The following RIMS1 variants were observed in gnomAD, a reference collection of about 807,000 sequenced individuals.
The protein encoded by RIMS1 is regulating synaptic membrane exocytosis protein 1.
Under a neutral mutation model 214.1 loss-of-function variants are expected in RIMS1, and 83 were observed. The ratio of observed to expected loss-of-function variants is 0.39; its 90% CI spans 0.32 to 0.47. The LOEUF (loss-of-function observed/expected upper bound fraction) is 0.47, where lower values mean the gene tolerates loss of function less well. RIMS1 is among the 20% of genes least tolerant of loss of function. The pLI is 0.99. For missense variants in RIMS1, 2,050 were observed against 2,161.8 expected (o/e 0.95, Z 1.03); for synonymous variants, 793 against 786.8 (o/e 1.01, Z -0.13).
intron 25 of RIMS1, 104 bp from the exon 26 acceptor site, chr6:72,291,830 A>T (rs1477029146): frequency 1.2e-5 from 10 of 812,476 alleles, no homozygotes; most frequent in Non-Finnish European, 1.9e-5. Context: ...TGGCCCAGTG[A>T]GGGGGTTTAT....
chr6:72,137,019 A>AG (rs2041396155), intron 4 of RIMS1, among the ~76,000 whole-genome samples: 1 of 152,020 alleles, frequency 6.6e-6, no homozygotes, highest in Non-Finnish European at 1.5e-5. Flanking sequence ...CAATAAAATA[A>AG]AATAACTAGA....
chr6:71,948,236 C>T (rs969357609), intron 1 of RIMS1, among the ~76,000 whole-genome samples: 7 of 152,134 alleles, frequency 4.6e-5, no homozygotes, highest in Non-Finnish European at 1.0e-4. Flanking sequence ...ATGAGTTGTT[C>T]TGATCATTAG....
At chr6:71,944,426 G>A (rs1343225) in intron 1 of RIMS1, among the ~76,000 whole-genome samples, 150,899 of 152,274 alleles carry the variant, frequency 0.99, 74,774 homozygotes, top group East Asian at 1. Context: ...GGCACTTGTC[G>A]GGGCATAACG....
chr6:72,159,871 G>A (rs2045066463), intron 4 of RIMS1, among the ~76,000 whole-genome samples: 4 of 139,832 alleles, frequency 2.9e-5, no homozygotes, highest in Admixed American at 1.5e-4. Flanking sequence ...TTGGCAATGC[G>A]GGCTCTTTTT....
intron 29 of RIMS1, among the ~76,000 whole-genome samples, chr6:72,377,503 G>A (rs1440650053): frequency 2.0e-5 from 3 of 152,230 alleles, no homozygotes; most frequent in Admixed American, 6.5e-5. Context: ...GGACAGGGAA[G>A]GCTATATGCT....
intron 2 of RIMS1, among the ~76,000 whole-genome samples, chr6:72,006,727 C>T (rs1807807332): frequency 6.6e-6 from 1 of 152,214 alleles, no homozygotes. Flanking sequence ...TTGCTCATTG[C>T]TAGCACAGCA....
intron 29 of RIMS1, among the ~76,000 whole-genome samples, chr6:72,390,175 C>T (rs1458051167): frequency 6.6e-6 from 1 of 152,162 alleles, no homozygotes; most frequent in East Asian, 1.9e-4. Context: ...GTTCCAAATG[C>T]ACCTTCTCCT....
At chr6:72,206,181 G>A (rs986478898) in intron 6 of RIMS1, among the ~76,000 whole-genome samples, 9 of 152,012 alleles carry the variant, frequency 5.9e-5, no homozygotes, top group Non-Finnish European at 1.2e-4. Flanking sequence ...CTTAAAGACC[G>A]ATCAAGTTGT....
chr6:72,017,687 A>G (rs1813225580), intron 2 of RIMS1, among the ~76,000 whole-genome samples: 1 of 152,230 alleles, frequency 6.6e-6, no homozygotes, highest in African/African-American at 2.4e-5. Context: ...TGATAAATAG[A>G]TGCAGTTTAA....
intron 6 of RIMS1, among the ~76,000 whole-genome samples, chr6:72,203,230 G>A (rs1041921414): frequency 3.9e-5 from 6 of 151,984 alleles, no homozygotes; most frequent in Admixed American, 6.6e-5. Flanking sequence ...CCTGTGATCC[G>A]CCCACCTCAG....
intron 1 of RIMS1, among the ~76,000 whole-genome samples, chr6:71,907,600 G>A (rs1775629818): frequency 6.6e-6 from 1 of 151,896 alleles, no homozygotes. Context: ...TAAAAATACA[G>A]ACATCACAGC....
At chr6:72,167,952 A>G (rs2046495524) in intron 4 of RIMS1, among the ~76,000 whole-genome samples, 1 of 150,018 alleles carries the variant, frequency 6.7e-6, no homozygotes, top group Admixed American at 6.6e-5. Context: ...AATATTTATT[A>G]TTTTCTTCTT....
chr6:72,112,064 C>T (rs1487700623), intron 4 of RIMS1, among the ~76,000 whole-genome samples: 1 of 152,160 alleles, frequency 6.6e-6, no homozygotes, highest in African/African-American at 2.4e-5. Flanking sequence ...GCTCTCCAAA[C>T]CAGCTTATTC....
rs576815284 is a variant in RIMS1 at position 72,175,723 on chromosome 6, T to C, written c.472-3852T>C. The stretch of plus-strand genomic sequence containing the variant: ...TTCTAGACCTCGTCGTGAATCACCT[T>C]AGTAATATCATCAAGAATAAATCAA... On this transcript the variant is annotated intron_variant, in intron 4 of 33. Coordinates refer to ENST00000521978, the MANE Select transcript of RIMS1 (RefSeq NM_014989.7). 2.1e-3 allele frequency among the ~76,000 whole-genome samples: 317 copies of C among 152,112 alleles called. 4 individuals are homozygous for C. The highest frequency in any genetic ancestry group is 6.8e-3 in the African/African-American group (283 of 41,494).
chr6:72,190,701 C>T (rs1420395461), intron 6 of RIMS1, among the ~76,000 whole-genome samples: 1 of 152,082 alleles, frequency 6.6e-6, no homozygotes, highest in African/African-American at 2.4e-5. Context: ...ATTTGAGCCA[C>T]TTCCTCATGT....
chr6:71,993,952 C>T (rs959671293), intron 2 of RIMS1, among the ~76,000 whole-genome samples: 5 of 152,064 alleles, frequency 3.3e-5, no homozygotes, highest in African/African-American at 9.7e-5. Flanking sequence ...AATGTTTAAG[C>T]AATTTCGATA....
intron 2 of RIMS1, among the ~76,000 whole-genome samples, chr6:71,976,763 T>C (rs1482483679): frequency 6.6e-6 from 1 of 152,158 alleles, no homozygotes; most frequent in Non-Finnish European, 1.5e-5. Flanking sequence ...TGAGATAGTT[T>C]TTATATATGA....
intron 1 of RIMS1, among the ~76,000 whole-genome samples, chr6:71,904,527 G>A (rs1774692208): frequency 6.6e-6 from 1 of 152,116 alleles, no homozygotes; most frequent in African/African-American, 2.4e-5. Flanking sequence ...AAGTCTGATA[G>A]CTAATAGCAT....
In RIMS1 at chr6:72,182,671, G is replaced by A. The variant is rs759913872; in HGVS notation, c.1200G>A (p.Ala400=). The A allele has an allele frequency of 6.9e-6, 10 of 1,445,896 alleles. No individual in the cohort carries two copies. Among genetic ancestry groups the A allele is most frequent in the Middle Eastern group, 2.4e-4 (1 of 4,204 alleles). The allele number at this position is 1,445,896 out of a possible 1,614,324, so 89.6% of individuals were successfully genotyped here. ...ACGTGGCGCTCCCGCGCACCGAGGC[G>A]GGCGCGGCGCTGCCGGAGGGCAAGG... The part of the protein sequence containing the change: ...HSDVALPRTE[A]GAALPEGKAG... Residue 400 remains alanine, a synonymous_variant, in exon 6 of 34, where the codon GCG becomes GCA. Coordinates refer to ENST00000521978, the MANE Select transcript of RIMS1 (RefSeq NM_014989.7).
Sources: gnomAD v4.1 joint callset for allele counts (sites outside exome capture counted in the v4.1 genomes callset) on GRCh38, gnomAD v4.1.1 for gene constraint, MANE v1.5 for transcripts, NCBI Gene and HGNC (gene_info 2026-07-23, HGNC 2026-07-21) for gene names.